Variants in NCK2 observed in about 807,000 individuals in gnomAD.
NCK2 encodes cytoplasmic protein NCK2.
In NCK2, 16 loss-of-function variants were observed where a neutral mutation model predicts 33.9. The ratio of observed to expected loss-of-function variants is 0.47; its 90% CI spans 0.32 to 0.72. NCK2 has a LOEUF of 0.72. NCK2 is among the 30% of genes least tolerant of loss of function. The pLI is 0.03. For missense variants in NCK2, 418 were observed against 537.3 expected, an observed-to-expected ratio of 0.78 and a Z score of 2.19; for synonymous variants, 273 against 239.9, an observed-to-expected ratio of 1.14 and a Z score of -1.27.
At chr2:105,747,411 G>C (rs549190776) in intron 1 of NCK2, among the ~76,000 whole-genome samples, 2 of 152,266 alleles carry the variant, frequency 1.3e-5, no homozygotes, top group East Asian at 3.9e-4. Flanking sequence ...TTGATCAGTT[G>C]CACTAGCTTA....
At chr2:105,845,512 G>A (rs1297483431) in intron 2 of NCK2, among the ~76,000 whole-genome samples, 3 of 151,700 alleles carry the variant, frequency 2.0e-5, no homozygotes, top group East Asian at 1.9e-4. Context: ...TCCTGCCTCA[G>A]CCTCCTGAGT....
chr2:105,873,240 TGAGCCACTCTCAG>T (rs1162255923), intron 3 of NCK2, among the ~76,000 whole-genome samples: 1 of 152,190 alleles, frequency 6.6e-6, no homozygotes, highest in African/African-American at 2.4e-5. Context: ...CCCACTCTCA[TGAGCCACTCTCAG>T]GATGTTCTCT....
intron 1 of NCK2, among the ~76,000 whole-genome samples, chr2:105,778,672 G>T (rs1163796884): frequency 6.6e-6 from 1 of 152,142 alleles, no homozygotes; most frequent in Non-Finnish European, 1.5e-5. Flanking sequence ...CCTTGTTACT[G>T]CACTGGTTAT....
At chr2:105,831,565 T>C (rs1461143491) in intron 2 of NCK2, among the ~76,000 whole-genome samples, 1 of 152,182 alleles carries the variant, frequency 6.6e-6, no homozygotes, top group Non-Finnish European at 1.5e-5. Context: ...AGTAAATTTT[T>C]GTATGTAGTG....
At chr2:105,855,595 A>G (rs924745948) in intron 3 of NCK2, 10 of 262,354 alleles carry the variant, frequency 3.8e-5, no homozygotes, top group African/African-American at 1.5e-4. Context: ...CTCACCTCTA[A>G]GTCTACCCAG....
chr2:105,852,994 T>TA (rs949467916), intron 2 of NCK2, among the ~76,000 whole-genome samples: 3 of 152,312 alleles, frequency 2.0e-5, no homozygotes, highest in Admixed American at 6.5e-5. Flanking sequence ...GTATTATTTA[T>TA]AAAAAAATTT....
intron 2 of NCK2, among the ~76,000 whole-genome samples, chr2:105,826,732 TC>T (rs931231821): frequency 3.3e-5 from 5 of 152,192 alleles, no homozygotes; most frequent in African/African-American, 1.2e-4. Context: ...CAAGTAAGTA[TC>T]CTTTCCTCTG....
At chr2:105,847,389 G>T (rs1294874585) in intron 2 of NCK2, 2 of 152,078 alleles carry the variant, frequency 1.3e-5, no homozygotes, top group Non-Finnish European at 2.9e-5. Context: ...TTGTAGAAAA[G>T]AAATGATGTG....
intron 3 of NCK2, among the ~76,000 whole-genome samples, chr2:105,881,017 C>A (rs1678454515): frequency 1.3e-5 from 2 of 148,706 alleles, no homozygotes; most frequent in African/African-American, 2.5e-5. Flanking sequence ...GACTCCTGGC[C>A]TCAAGCAATC....
chr2:105,788,637 G>C (rs1347101871), intron 1 of NCK2, among the ~76,000 whole-genome samples: 2 of 152,134 alleles, frequency 1.3e-5, no homozygotes, highest in Non-Finnish European at 2.9e-5. Context: ...CTGTTGGCCA[G>C]TGCAGAACTT....
At chr2:105,859,869 G>T (rs1677444791) in intron 3 of NCK2, among the ~76,000 whole-genome samples, 2 of 152,148 alleles carry the variant, frequency 1.3e-5, no homozygotes, top group South Asian at 2.1e-4. Flanking sequence ...TCTGCCCTGG[G>T]GTCTGTGGGG....
chr2:105,831,713 A>G (rs1038569892), intron 2 of NCK2, among the ~76,000 whole-genome samples: 5 of 151,854 alleles, frequency 3.3e-5, no homozygotes, highest in African/African-American at 1.2e-4. Context: ...GAATACATGG[A>G]TTTATTTCTG....
chr2:105,806,799 C>T (rs1467043809), intron 1 of NCK2, among the ~76,000 whole-genome samples: 1 of 151,952 alleles, frequency 6.6e-6, no homozygotes, highest in Non-Finnish European at 1.5e-5. Flanking sequence ...AATCCCATTC[C>T]ATAGGGGGCT....
intron 1 of NCK2, among the ~76,000 whole-genome samples, chr2:105,759,580 C>A (rs534756936): frequency 1.3e-5 from 2 of 152,290 alleles, no homozygotes; most frequent in African/African-American, 4.8e-5. Flanking sequence ...TAAACTGTGT[C>A]TACTTTCCCC....
chr2:105,853,263 G>C (rs569344370), intron 2 of NCK2, among the ~76,000 whole-genome samples: 2 of 152,282 alleles, frequency 1.3e-5, no homozygotes, highest in South Asian at 4.1e-4. Context: ...TACCTAAGAA[G>C]TAGAGAGTTG....
At chr2:105,791,218 A>G (rs1026346116) in intron 1 of NCK2, among the ~76,000 whole-genome samples, 3 of 152,198 alleles carry the variant, frequency 2.0e-5, no homozygotes, top group African/African-American at 4.8e-5. Context: ...CAGGATTTAA[A>G]TTCTAGTAAT....
chr2:105,826,914 T>G (rs1675975119), intron 2 of NCK2, among the ~76,000 whole-genome samples: 1 of 152,162 alleles, frequency 6.6e-6, no homozygotes, highest in South Asian at 2.1e-4. Flanking sequence ...TATATTAATA[T>G]CAGATAAAGA....
intron 3 of NCK2, among the ~76,000 whole-genome samples, chr2:105,871,017 C>A (rs62148192): frequency 0.029 from 4,394 of 152,054 alleles, 93 homozygotes; most frequent in Non-Finnish European, 0.045. Context: ...TCATCGTGAT[C>A]CTGGCCTCCT....
intron 1 of NCK2, among the ~76,000 whole-genome samples, chr2:105,811,398 A>G (rs951852542): frequency 6.6e-6 from 1 of 152,086 alleles, no homozygotes; most frequent in African/African-American, 2.4e-5. Flanking sequence ...TCTGGCTGTA[A>G]TTTGCTTCTC....
Sources: gnomAD v4.1 joint callset for allele counts (sites outside exome capture counted in the v4.1 genomes callset) on GRCh38, gnomAD v4.1.1 for gene constraint, MANE v1.5 for transcripts, NCBI Gene and HGNC (gene_info 2026-07-23, HGNC 2026-07-21) for gene names.